ANKRD30BL: variants seen among roughly 807,000 people sequenced by gnomAD.
ANKRD30BL encodes putative ankyrin repeat domain-containing protein 30B-like.
A neutral mutation model predicts 18.4 loss-of-function variants in ANKRD30BL; 20 were observed. That is an observed-to-expected ratio of 1.09 (90% confidence interval 0.77 to 1.58). The LOEUF (loss-of-function observed/expected upper bound fraction) is 1.58, where lower values mean the gene tolerates loss of function less well. ANKRD30BL is among the 40% of genes most tolerant of loss of function. The probability of loss-of-function intolerance (pLI) is 0.00; values close to 1 mark genes in which losing one functional copy is unlikely to be tolerated. For synonymous variants in ANKRD30BL, 72 were observed against 100.9 expected, an observed-to-expected ratio of 0.71 and a Z score of 1.72; for missense variants, 224 against 268.6, an observed-to-expected ratio of 0.83 and a Z score of 1.16.
At chr2:132,181,606 A>G (rs528644165) in intron 1 of ANKRD30BL, among the ~76,000 whole-genome samples, 8 of 152,250 alleles carry the variant, frequency 5.3e-5, no homozygotes, top group Non-Finnish European at 1.0e-4. Flanking sequence ...ATGTCTTTAC[A>G]TATGTAGCCT....
intron 1 of ANKRD30BL, among the ~76,000 whole-genome samples, chr2:132,202,634 G>A (rs941281134): frequency 8.6e-5 from 13 of 151,642 alleles, no homozygotes; most frequent in African/African-American, 3.1e-4. Context: ...GTTAATTTGG[G>A]TAAAAAAATT....
At chr2:132,191,691 T>C (rs1373325145) in intron 1 of ANKRD30BL, among the ~76,000 whole-genome samples, 2 of 152,100 alleles carry the variant, frequency 1.3e-5, no homozygotes, top group Non-Finnish European at 2.9e-5. Context: ...TCAAATCTCT[T>C]ACCCATTTTG....
intron 1 of ANKRD30BL, among the ~76,000 whole-genome samples, chr2:132,168,994 T>A (rs892579818): frequency 1.3e-5 from 2 of 152,092 alleles, no homozygotes; most frequent in Non-Finnish European, 2.9e-5. Flanking sequence ...TAGAATATTG[T>A]ATTGTCATTG....
At position 132,247,878 on chromosome 2, in the gene ANKRD30BL, A is replaced by G. The variant is rs528420768; in HGVS notation, n.441+9651T>C. Among the ~76,000 whole-genome samples the G allele has an allele frequency of 1.7e-3, 256 of 152,208 alleles. 1 individual carries two copies. Among genetic ancestry groups the G allele is most frequent in the Admixed American group, 0.012 (184 of 15,254 alleles). On this transcript the variant is annotated intron_variant and non_coding_transcript_variant, in intron 1 of 4. Coordinates refer to the ANKRD30BL transcript ENST00000470729. ...TTTCTACACTGTGAGAGTAATACAC[A>G]TGTCAGAAAGAAGTTTCTCAGAATG...
At chr2:132,212,354 G>T (rs2315185) in intron 1 of ANKRD30BL, among the ~76,000 whole-genome samples, 1 of 151,208 alleles carries the variant, frequency 6.6e-6, no homozygotes, top group Non-Finnish European at 1.5e-5. Context: ...ATATGTGCAT[G>T]CATCTCACAG....
intron 1 of ANKRD30BL, among the ~76,000 whole-genome samples, chr2:132,251,698 G>T (rs1680653685): frequency 6.6e-6 from 1 of 152,126 alleles, no homozygotes; most frequent in African/African-American, 2.4e-5. Context: ...CTGATATCAG[G>T]ATAGGAAATC....
At chr2:132,160,906 C>T (rs1354410583) in intron 1 of ANKRD30BL, among the ~76,000 whole-genome samples, 1 of 150,044 alleles carries the variant, frequency 6.7e-6, no homozygotes, top group Non-Finnish European at 1.5e-5. Context: ...AAAGAACTTG[C>T]ATCTTCAGAA....
intron 1 of ANKRD30BL, among the ~76,000 whole-genome samples, chr2:132,245,152 T>TG: frequency 4.8e-3 from 1 of 208 alleles, no homozygotes; most frequent in African/African-American, 0.025. Flanking sequence ...TTGATGTGTG[T>TG]TTTCAACTCA....
Position 132,213,611 on chromosome 2 carries a change from A to T in ANKRD30BL, n.441+43918T>A, listed in dbSNP as rs1311492006. The stretch of plus-strand genomic sequence containing the variant: ...TTAGACTCTGCAAGTGAACATTTTG[A>T]GCTCTTTCTGTCCTACGGTGGAAAA... On this transcript the variant is annotated intron_variant and non_coding_transcript_variant, in intron 1 of 4. Transcript: ENST00000470729. Among the ~76,000 whole-genome samples the T allele has an allele frequency of 2.0e-5, 3 of 152,312 alleles. No homozygotes were observed. The East Asian group carries it at 5.8e-4, about 30-fold the overall frequency.
At chr2:132,222,102 A>G (rs867743480) in intron 1 of ANKRD30BL, among the ~76,000 whole-genome samples, 6,430 of 100,520 alleles carry the variant, frequency 0.064, 800 homozygotes, top group African/African-American at 0.24. Context: ...TCAGCCCCCC[A>G]CCCGGCCAGC....
At chr2:132,176,081 C>T (rs1406632757) in intron 1 of ANKRD30BL, among the ~76,000 whole-genome samples, 1 of 152,138 alleles carries the variant, frequency 6.6e-6, no homozygotes, top group African/African-American at 2.4e-5. Context: ...AAAACTAAAA[C>T]AAATAACTTA....
chr2:132,248,588 C>T (rs1320782460), intron 1 of ANKRD30BL, among the ~76,000 whole-genome samples: 2 of 151,912 alleles, frequency 1.3e-5, no homozygotes, highest in African/African-American at 4.8e-5. Flanking sequence ...TCTCTGAAAT[C>T]TTCTGTCTAG....
At chr2:132,174,063 A>G (rs1318289510) in intron 1 of ANKRD30BL, among the ~76,000 whole-genome samples, 1 of 152,232 alleles carries the variant, frequency 6.6e-6, no homozygotes, top group African/African-American at 2.4e-5. Flanking sequence ...GAACATAACT[A>G]GGCCTATTTT....
At chr2:132,221,665 G>A (rs1679690039) in intron 1 of ANKRD30BL, among the ~76,000 whole-genome samples, 1 of 122,134 alleles carries the variant, frequency 8.2e-6, no homozygotes, top group African/African-American at 4.0e-5. Flanking sequence ...CCCCCGCCCG[G>A]CCAGCCGCCC....
intron 1 of ANKRD30BL, among the ~76,000 whole-genome samples, chr2:132,187,063 T>G (rs1447876675): frequency 4.6e-5 from 7 of 152,088 alleles, no homozygotes; most frequent in African/African-American, 1.7e-4. Context: ...CCACAAAGAC[T>G]TTAGGCAATT....
chr2:132,177,911 G>A (rs770073427), intron 1 of ANKRD30BL, among the ~76,000 whole-genome samples: 1 of 151,908 alleles, frequency 6.6e-6, no homozygotes, highest in Non-Finnish European at 1.5e-5. Flanking sequence ...TGGTTTTTTT[G>A]TTTGTTTTTT....
At chr2:132,227,172 C>T (rs1679871161) in intron 1 of ANKRD30BL, among the ~76,000 whole-genome samples, 1 of 151,706 alleles carries the variant, frequency 6.6e-6, no homozygotes, top group East Asian at 1.9e-4. Context: ...GGATATTTGA[C>T]TGCTTTGAGG....
chr2:132,253,501 G>C (rs1680723179), intron 1 of ANKRD30BL, among the ~76,000 whole-genome samples: 1 of 152,076 alleles, frequency 6.6e-6, no homozygotes, highest in African/African-American at 2.4e-5. Context: ...CCACCCCATG[G>C]GAGCCCAGGG....
chr2:132,164,773 G>GT (rs1688155867), upstream of ANKRD30BL, among the ~76,000 whole-genome samples: 1 of 151,758 alleles, frequency 6.6e-6, no homozygotes, highest in South Asian at 2.1e-4. Context: ...GACATTCTTT[G>GT]TTTTTTAACA....
Sources: gnomAD v4.1 joint callset for allele counts (sites outside exome capture counted in the v4.1 genomes callset) on GRCh38, gnomAD v4.1.1 for gene constraint, MANE v1.5 for transcripts, NCBI Gene and HGNC (gene_info 2026-07-23, HGNC 2026-07-21) for gene names.